Variants in SCNN1B observed in about 807,000 individuals in gnomAD.
The protein encoded by SCNN1B is epithelial sodium channel subunit beta.
A neutral mutation model predicts 65.3 loss-of-function variants in SCNN1B; 46 were observed. The ratio of observed to expected loss-of-function variants is 0.70; its 90% CI spans 0.56 to 0.90. SCNN1B has a LOEUF of 0.90. Ranked by LOEUF, SCNN1B falls within the 40% of genes least tolerant of loss-of-function variation. SCNN1B has a pLI of 0.00. For synonymous variants in SCNN1B, 349 were observed against 330.6 expected (o/e 1.06, Z -0.60); for missense variants, 751 against 830.5 (o/e 0.90, Z 1.18).
intron 1 of SCNN1B, among the ~76,000 whole-genome samples, chr16:23,305,563 TATA>T (rs1961190746): frequency 1.9e-5 from 1 of 53,254 alleles, no homozygotes; most frequent in Non-Finnish European, 3.2e-5. Context: ...TATATATATA[TATA>T]TATATATATA....
rs1044433206 is a variant in SCNN1B, at chr16:23,353,390, T to C, written c.585+316T>C. 4 of 426,960 alleles carry C rather than the reference T, an allele frequency of 9.4e-6. No homozygotes were observed. In the Admixed American group the frequency reaches 1.1e-4, roughly 11 times the overall value. 26.4% of individuals were successfully genotyped at this position (426,960 alleles called of 1,614,324 possible). A position where few individuals can be genotyped will look rare whatever the true frequency, so the allele number is the denominator to read the frequency against. Reference sequence around the variant, plus strand: ...GGTATTCTAATGAGGTCATCAGGAATCTTTCTCCGTCTTGGTTCAACTTTT... The same window carrying C: ...GGTATTCTAATGAGGTCATCAGGAACCTTTCTCCGTCTTGGTTCAACTTTT... On this transcript the variant is annotated intron_variant, in intron 3 of 12. Coordinates refer to ENST00000343070, the MANE Select transcript of SCNN1B (RefSeq NM_000336.3).
intron 1 of SCNN1B, among the ~76,000 whole-genome samples, chr16:23,327,997 A>C (rs555215285): frequency 2.7e-3 from 411 of 152,348 alleles, no homozygotes; most frequent in African/African-American, 9.7e-3. Context: ...TAGAGCCAGC[A>C]GTGGAGAAAC....
chr16:23,350,770 G>T (rs940306336), intron 2 of SCNN1B, among the ~76,000 whole-genome samples: 6 of 152,006 alleles, frequency 3.9e-5, no homozygotes, highest in Non-Finnish European at 8.8e-5. Flanking sequence ...AAAATTAGCC[G>T]GGTGTGCTGG....
intron 1 of SCNN1B, among the ~76,000 whole-genome samples, chr16:23,304,802 C>T (rs748175227): frequency 6.6e-6 from 1 of 152,176 alleles, no homozygotes; most frequent in Non-Finnish European, 1.5e-5. Context: ...CTTCCTAGTT[C>T]AGGCAATTCC....
At chr16:23,373,919 C>T (rs971988198) in intron 7 of SCNN1B, among the ~76,000 whole-genome samples, 6 of 152,182 alleles carry the variant, frequency 3.9e-5, no homozygotes, top group African/African-American at 1.4e-4. Context: ...AGGAAAACTG[C>T]ATCTCTCGTT....
intron 4 of SCNN1B, among the ~76,000 whole-genome samples, chr16:23,365,554 A>G (rs963840731): frequency 3.3e-5 from 2 of 60,890 alleles, no homozygotes; most frequent in African/African-American, 3.7e-4. Flanking sequence ...AGAAAGAAGG[A>G]AAGAGAAAGA....
intron 1 of SCNN1B, among the ~76,000 whole-genome samples, chr16:23,319,464 G>C (rs962595710): frequency 9.6e-5 from 14 of 145,674 alleles, no homozygotes; most frequent in African/African-American, 3.7e-4. Context: ...GTTAAGAATG[G>C]TTTACATGGT....
intron 4 of SCNN1B, 109 bp from the exon 5 acceptor site, chr16:23,367,747 C>T: frequency 2.3e-6 from 2 of 865,928 alleles, no homozygotes; most frequent in African/African-American, 3.3e-5. Flanking sequence ...TTGCTCGCCT[C>T]TCCCTTTCGG....
upstream of SCNN1B, among the ~76,000 whole-genome samples, chr16:23,298,605 A>G (rs998394379): frequency 2.6e-5 from 4 of 152,160 alleles, no homozygotes; most frequent in African/African-American, 4.8e-5. Context: ...ACTTATCCAG[A>G]GTCAAGTTTT....
chr16:23,371,018 G>A (rs2142038737), intron 5 of SCNN1B, among the ~76,000 whole-genome samples: 1 of 152,356 alleles, frequency 6.6e-6, no homozygotes, highest in Admixed American at 6.5e-5. Context: ...GTGGGCCGTG[G>A]CCATGCTATG....
chr16:23,349,753 A>T (rs1335144061), intron 2 of SCNN1B, among the ~76,000 whole-genome samples: 1 of 152,188 alleles, frequency 6.6e-6, no homozygotes, highest in Non-Finnish European at 1.5e-5. Context: ...AACATGCCCC[A>T]CAAAGTTGTC....
intron 1 of SCNN1B, among the ~76,000 whole-genome samples, chr16:23,283,122 T>C (rs977834422): frequency 6.6e-6 from 1 of 152,220 alleles, no homozygotes; most frequent in African/African-American, 2.4e-5. Flanking sequence ...TCAGAACACT[T>C]ACGTTAAGCT....
chr16:23,339,304 C>T (rs943681346), intron 1 of SCNN1B, among the ~76,000 whole-genome samples: 1 of 151,404 alleles, frequency 6.6e-6, no homozygotes, highest in African/African-American at 2.4e-5. Flanking sequence ...TAGGTGGGGG[C>T]TATTATGAAT....
intron 7 of SCNN1B, among the ~76,000 whole-genome samples, chr16:23,374,062 G>A (rs1962838051): frequency 6.6e-6 from 1 of 152,070 alleles, no homozygotes. Flanking sequence ...CACAGGGCCT[G>A]GAAGGACTCC....
rs571463274 is a variant in SCNN1B at position 23,378,821 on chromosome 16, C to T, written c.1466+54C>T. The T allele has an allele frequency of 6.7e-4, 1,038 of 1,549,248 alleles. 12 individuals are homozygous for T. In the South Asian group the frequency reaches 9.2e-3, roughly 14 times the overall value. ...AAGACAGGGAAGGGGTCCAGAAACT[C>T]GGGGCAGGAGTTTGGACACAGGACA... On this transcript the variant is annotated intron_variant, in intron 11 of 12. Transcript: ENST00000343070.
chr16:23,333,103 A>AAGGG (rs1567300396), intron 1 of SCNN1B, among the ~76,000 whole-genome samples: 1 of 114,708 alleles, frequency 8.7e-6, no homozygotes, highest in African/African-American at 4.1e-5. Flanking sequence ...GGGAGGAAGG[A>AAGGG]AGGAAGGGAG....
intron 1 of SCNN1B, among the ~76,000 whole-genome samples, chr16:23,310,746 C>A (rs1234939880): frequency 6.6e-6 from 1 of 152,224 alleles, no homozygotes; most frequent in Non-Finnish European, 1.5e-5. Context: ...AGAGCAAAGG[C>A]TATAATTTGG....
At chr16:23,337,631 G>A (rs987889409) in intron 1 of SCNN1B, among the ~76,000 whole-genome samples, 8 of 151,918 alleles carry the variant, frequency 5.3e-5, no homozygotes, top group African/African-American at 1.9e-4. Flanking sequence ...ACTCACCTCG[G>A]CCTCCCAAAG....
chr16:23,340,888 TTGC>T (rs1211650855), intron 1 of SCNN1B, among the ~76,000 whole-genome samples: 2 of 128,542 alleles, frequency 1.6e-5, no homozygotes, highest in South Asian at 3.6e-4. Flanking sequence ...TTTTAAAATG[TTGC>T]TTTGAAGTGT....
Sources: gnomAD v4.1 joint callset for allele counts (sites outside exome capture counted in the v4.1 genomes callset) on GRCh38, gnomAD v4.1.1 for gene constraint, MANE v1.5 for transcripts, NCBI Gene and HGNC (gene_info 2026-07-23, HGNC 2026-07-21) for gene names.